The following TNIP3 variants were observed in gnomAD, a reference collection of about 807,000 sequenced individuals.
TNIP3 encodes the protein TNFAIP3-interacting protein 3.
TNIP3 carries 34 observed loss-of-function variants against 54.1 expected under a neutral mutation model. The ratio of observed to expected loss-of-function variants is 0.63; its 90% CI spans 0.48 to 0.84. The LOEUF (loss-of-function observed/expected upper bound fraction) is 0.84, where lower values mean the gene tolerates loss of function less well. Among genes scored for constraint, TNIP3 ranks in the 40% least tolerant of loss-of-function variants. The pLI is 0.00. For missense variants in TNIP3, 366 were observed against 387.6 expected (o/e 0.94, Z 0.47); for synonymous variants, 134 against 136.8 (o/e 0.98, Z 0.14).
At position 121,154,691 on chromosome 4, in the gene TNIP3, A is replaced by G. The variant is rs753578223; in HGVS notation, c.364-12T>C. 3.1e-5 allele frequency: 50 copies of G among 1,592,448 alleles called. No homozygotes were observed. Among genetic ancestry groups the G allele is most frequent in the Middle Eastern group, 3.5e-4 (2 of 5,658 alleles). Reference sequence around the variant, plus strand: ...CGTTCCTTTTCCTTCTGAAGTTAAGACCAAGAAAAGAAAATAAAAGTCAGT... The same window carrying G: ...CGTTCCTTTTCCTTCTGAAGTTAAGGCCAAGAAAAGAAAATAAAAGTCAGT... On this transcript the variant is annotated splice_polypyrimidine_tract_variant and intron_variant, in intron 4 of 10. Coordinates refer to ENST00000057513, the MANE Select transcript of TNIP3 (RefSeq NM_024873.6).
At chr4:121,176,514 T>TATGATG (rs70948383) in intron 3 of TNIP3, among the ~76,000 whole-genome samples, 3,782 of 147,248 alleles carry the variant, frequency 0.026, 75 homozygotes, top group African/African-American at 0.052. Flanking sequence ...CTACTAGCAT[T>TATGATG]ATGATGATGA....
intron 2 of TNIP3, among the ~76,000 whole-genome samples, chr4:121,197,495 G>T (rs1231531937): frequency 7.0e-6 from 1 of 143,872 alleles, no homozygotes; most frequent in Non-Finnish European, 1.5e-5. Flanking sequence ...TCAGGCCACT[G>T]CACTCCAGCC....
chr4:121,183,072 G>A (rs1277606538), intron 2 of TNIP3, among the ~76,000 whole-genome samples: 1 of 152,148 alleles, frequency 6.6e-6, no homozygotes, highest in East Asian at 1.9e-4. Flanking sequence ...GAACACTCAC[G>A]GTGAGCCAGG....
chr4:121,219,543 GAAGTTAACC>G (rs1726945415), upstream of TNIP3, among the ~76,000 whole-genome samples: 1 of 152,140 alleles, frequency 6.6e-6, no homozygotes. Context: ...CTTACTTTTG[GAAGTTAACC>G]AAGTTTTATG....
intron 2 of TNIP3, among the ~76,000 whole-genome samples, chr4:121,215,986 T>C (rs1290339131): frequency 1.3e-5 from 2 of 152,104 alleles, no homozygotes; most frequent in Non-Finnish European, 2.9e-5. Flanking sequence ...AGGGATTTTT[T>C]TTCATAAGGA....
At chr4:121,178,480 C>T (rs1437543131) in intron 3 of TNIP3, among the ~76,000 whole-genome samples, 3 of 152,148 alleles carry the variant, frequency 2.0e-5, no homozygotes, top group Middle Eastern at 3.2e-3. Context: ...TTGGAGTTCT[C>T]GAAGACATAT....
intron 4 of TNIP3, among the ~76,000 whole-genome samples, chr4:121,155,721 G>T (rs1730044103): frequency 6.6e-6 from 1 of 152,146 alleles, no homozygotes; most frequent in South Asian, 2.1e-4. Context: ...TTCTTAATGA[G>T]ATTGAGATTT....
At chr4:121,136,333 T>C (rs75235341) in intron 10 of TNIP3, among the ~76,000 whole-genome samples, 2,934 of 152,216 alleles carry the variant, frequency 0.019, 68 homozygotes, top group Admixed American at 0.029. Context: ...AAAATTTCAA[T>C]AAAGTGAGAG....
At chr4:121,172,058 A>G (rs1269127201) in intron 3 of TNIP3, among the ~76,000 whole-genome samples, 1 of 152,110 alleles carries the variant, frequency 6.6e-6, no homozygotes, top group Non-Finnish European at 1.5e-5. Context: ...CTAGGTACTC[A>G]TCTGTCATCT....
At chr4:121,136,964 G>A (rs1728822464) in intron 10 of TNIP3, among the ~76,000 whole-genome samples, 1 of 149,708 alleles carries the variant, frequency 6.7e-6, no homozygotes, top group African/African-American at 2.5e-5. Context: ...ACATCACAAA[G>A]CTCACTACAT....
chr4:121,187,429 G>C (rs1350126676), intron 2 of TNIP3, among the ~76,000 whole-genome samples: 3 of 152,186 alleles, frequency 2.0e-5, no homozygotes, highest in Non-Finnish European at 4.4e-5. Context: ...AGTGAGGCTA[G>C]ACACCTTCTC....
upstream of TNIP3, among the ~76,000 whole-genome samples, chr4:121,221,516 T>C (rs577511019): frequency 2.6e-5 from 4 of 152,138 alleles, no homozygotes; most frequent in South Asian, 8.3e-4. Context: ...GATAATGATA[T>C]TCAAAAAAAG....
intron 2 of TNIP3, among the ~76,000 whole-genome samples, chr4:121,199,483 G>A (rs1378928771): frequency 6.6e-6 from 1 of 152,112 alleles, no homozygotes; most frequent in Non-Finnish European, 1.5e-5. Context: ...CAAAGGCCCT[G>A]GTTATGAGCA....
chr4:121,148,034 C>A (rs1197389586), intron 6 of TNIP3, among the ~76,000 whole-genome samples: 1 of 152,164 alleles, frequency 6.6e-6, no homozygotes, highest in Non-Finnish European at 1.5e-5. Flanking sequence ...GCCACATTGA[C>A]ATTTTGATGA....
intron 3 of TNIP3, among the ~76,000 whole-genome samples, chr4:121,176,708 AT>A (rs372588208): frequency 8.1e-4 from 121 of 148,614 alleles, no homozygotes; most frequent in Middle Eastern, 6.8e-3. Flanking sequence ...GGAAAGCCAG[AT>A]TTTTTTTTTT....
At chr4:121,177,434 G>A (rs1384590408) in intron 3 of TNIP3, among the ~76,000 whole-genome samples, 1 of 152,222 alleles carries the variant, frequency 6.6e-6, no homozygotes, top group Non-Finnish European at 1.5e-5. Context: ...AAAGCAGTGA[G>A]TCAGTCTGTT....
intron 2 of TNIP3, among the ~76,000 whole-genome samples, chr4:121,159,791 G>A (rs1275088665): frequency 6.6e-6 from 1 of 152,178 alleles, no homozygotes; most frequent in Non-Finnish European, 1.5e-5. Context: ...TATGTGGTTG[G>A]CTTTTTGTTG....
At chr4:121,167,159 C>A (rs62321468), upstream of TNIP3, among the ~76,000 whole-genome samples, 3,249 of 152,208 alleles carry the variant, frequency 0.021, 46 homozygotes, top group Non-Finnish European at 0.033. Flanking sequence ...ATCACTCACC[C>A]TGTACTTGAC....
intron 10 of TNIP3, among the ~76,000 whole-genome samples, chr4:121,137,007 A>C (rs1194837503): frequency 6.6e-6 from 1 of 152,152 alleles, no homozygotes; most frequent in African/African-American, 2.4e-5. Flanking sequence ...AGTAAGTCTC[A>C]TACACTGACT....
Sources: allele counts gnomAD v4.1 joint callset (sites outside exome capture counted in the v4.1 genomes callset), GRCh38; gene constraint gnomAD v4.1.1; transcripts MANE v1.5; gene names NCBI Gene and HGNC (gene_info 2026-07-23, HGNC 2026-07-21).